Variants in TMEM38B observed in about 807,000 individuals in gnomAD.
The protein encoded by TMEM38B is transmembrane protein 38B.
In TMEM38B, 24 loss-of-function variants were observed where a neutral mutation model predicts 28.7. That is an observed-to-expected ratio of 0.84 (90% CI 0.61 to 1.18). The LOEUF is 1.18. Ranked by LOEUF, TMEM38B falls within the 50% of genes most tolerant of loss-of-function variation. The probability of loss-of-function intolerance (pLI) is 0.00; values close to 1 mark genes in which losing one functional copy is unlikely to be tolerated. For synonymous variants in TMEM38B, 131 were observed against 127.7 expected (o/e 1.03, Z -0.17); for missense variants, 380 against 350.9 (o/e 1.08, Z -0.66).
intron 2 of TMEM38B, among the ~76,000 whole-genome samples, chr9:105,708,164 A>G (rs1010056216): frequency 6.6e-6 from 1 of 152,174 alleles, no homozygotes; most frequent in African/African-American, 2.4e-5. Context: ...TTCTATACCC[A>G]TGGGTTTTGC....
chr9:105,767,855 C>T (rs934492528), intron 5 of TMEM38B, among the ~76,000 whole-genome samples: 1 of 151,960 alleles, frequency 6.6e-6, no homozygotes, highest in Non-Finnish European at 1.5e-5. Flanking sequence ...TTAGCATTGT[C>T]TATATACATG....
chr9:105,745,168 C>A (rs2133612793), intron 4 of TMEM38B, among the ~76,000 whole-genome samples: 1 of 152,322 alleles, frequency 6.6e-6, no homozygotes, highest in South Asian at 2.1e-4. Flanking sequence ...GCCACACTGT[C>A]TTCACAATGG....
intron 1 of TMEM38B, among the ~76,000 whole-genome samples, chr9:105,698,685 G>T (rs1835364715): frequency 1.3e-5 from 2 of 151,998 alleles, no homozygotes; most frequent in African/African-American, 4.8e-5. Flanking sequence ...AGCCTATTAG[G>T]TTATTTTATT....
chr9:105,744,831 G>T (rs1421343163), intron 4 of TMEM38B, among the ~76,000 whole-genome samples: 1 of 152,180 alleles, frequency 6.6e-6, no homozygotes, highest in East Asian at 1.9e-4. Flanking sequence ...GTGAGAACAT[G>T]TGGTGTTTGG....
At chr9:105,762,470 A>G (rs1838094525) in intron 5 of TMEM38B, among the ~76,000 whole-genome samples, 1 of 140,662 alleles carries the variant, frequency 7.1e-6, no homozygotes, top group Non-Finnish European at 1.5e-5. Context: ...ATGTGTTCTC[A>G]TTGTTCAGTT....
At chr9:105,731,709 T>C (rs7037785) in intron 4 of TMEM38B, among the ~76,000 whole-genome samples, 31,977 of 152,088 alleles carry the variant, frequency 0.21, 5,247 homozygotes, top group East Asian at 0.47. Context: ...TCTATCATTG[T>C]TGGATATTTG....
chr9:105,753,067 C>G (rs1397681492), intron 5 of TMEM38B, among the ~76,000 whole-genome samples: 1 of 152,108 alleles, frequency 6.6e-6, no homozygotes, highest in African/African-American at 2.4e-5. Context: ...AGGAAAGCAG[C>G]TCAGAGCTTG....
chr9:105,720,251 A>G (rs1282618049), intron 2 of TMEM38B, among the ~76,000 whole-genome samples: 1 of 152,066 alleles, frequency 6.6e-6, no homozygotes, highest in African/African-American at 2.4e-5. Flanking sequence ...GCTACTTTTC[A>G]TCATGCTGAG....
chr9:105,708,290 T>C (rs1835758224), intron 2 of TMEM38B, among the ~76,000 whole-genome samples: 1 of 152,218 alleles, frequency 6.6e-6, no homozygotes, highest in Admixed American at 6.5e-5. Context: ...ACTATTTGTA[T>C]AGTATTTACA....
At chr9:105,725,701 C>T (rs1278571508) in intron 4 of TMEM38B, among the ~76,000 whole-genome samples, 1 of 151,690 alleles carries the variant, frequency 6.6e-6, no homozygotes, top group African/African-American at 2.4e-5. Context: ...CTAAACATAC[C>T]TAAAGAGAAA....
intron 1 of TMEM38B, among the ~76,000 whole-genome samples, chr9:105,703,934 G>C (rs1047856169): frequency 1.3e-5 from 2 of 152,024 alleles, no homozygotes; most frequent in Non-Finnish European, 2.9e-5. Context: ...GTTCATTGTA[G>C]ATTCTGATGA....
intron 4 of TMEM38B, among the ~76,000 whole-genome samples, chr9:105,725,088 G>A (rs1407735399): frequency 3.3e-5 from 5 of 151,976 alleles, no homozygotes; most frequent in Admixed American, 3.3e-4. Flanking sequence ...TACCTAGAAC[G>A]ATTTTTCTTA....
At chr9:105,744,288 A>G (rs1469700736) in intron 4 of TMEM38B, among the ~76,000 whole-genome samples, 1 of 152,088 alleles carries the variant, frequency 6.6e-6, no homozygotes, top group Non-Finnish European at 1.5e-5. Flanking sequence ...GGAGTAAAAA[A>G]TGAGACATGT....
At chr9:105,713,081 A>G (rs1222598774) in intron 2 of TMEM38B, among the ~76,000 whole-genome samples, 1 of 152,178 alleles carries the variant, frequency 6.6e-6, no homozygotes, top group Non-Finnish European at 1.5e-5. Flanking sequence ...TGCCCCTTCC[A>G]AGTTGGTGGG....
In TMEM38B at chr9:105,775,376, A is replaced by T. The variant is rs1008692524; in HGVS notation, c.*1296A>T. 4.6e-5 allele frequency: 7 copies of T among 152,130 alleles called. No individual in the cohort carries two copies. Among genetic ancestry groups the T allele is most frequent in the Non-Finnish European group, 7.4e-5 (5 of 67,994 alleles). The allele number at this position is 152,130 out of a possible 1,614,324, so 9.4% of individuals were successfully genotyped here. A position where few individuals can be genotyped will look rare whatever the true frequency, so the allele number is the denominator to read the frequency against. ...TTTATGATTTAGAAGTCCAGTTATA[A>T]TATTAAAACTCTGTGACATAGTTTC... On this transcript the variant is annotated 3_prime_UTR_variant, in exon 6 of 6. Transcript: ENST00000374692.
intron 4 of TMEM38B, among the ~76,000 whole-genome samples, chr9:105,740,454 A>G (rs1336732012): frequency 2.0e-5 from 3 of 151,458 alleles, no homozygotes; most frequent in Non-Finnish European, 2.9e-5. Context: ...TTTTGTAGAG[A>G]CCAGGTTTCA....
At chr9:105,734,722 C>T (rs1242636211) in intron 4 of TMEM38B, among the ~76,000 whole-genome samples, 1 of 152,078 alleles carries the variant, frequency 6.6e-6, no homozygotes, top group Non-Finnish European at 1.5e-5. Flanking sequence ...GACTTGACAT[C>T]TGTTTTATCT....
At chr9:105,718,077 T>TAA (rs1211377378) in intron 2 of TMEM38B, among the ~76,000 whole-genome samples, 1 of 152,240 alleles carries the variant, frequency 6.6e-6, no homozygotes, top group Admixed American at 6.5e-5. Flanking sequence ...AATCTGTACT[T>TAA]ACACAGTATA....
chr9:105,709,604 A>G (rs10978213), intron 2 of TMEM38B, among the ~76,000 whole-genome samples: 61,773 of 152,028 alleles, frequency 0.41, 14,015 homozygotes, highest in African/African-American at 0.6. Context: ...CAGTGTCAGC[A>G]CTCAATAAAT....
Sources: gnomAD v4.1 joint callset for allele counts (sites outside exome capture counted in the v4.1 genomes callset) on GRCh38, gnomAD v4.1.1 for gene constraint, MANE v1.5 for transcripts, NCBI Gene and HGNC (gene_info 2026-07-23, HGNC 2026-07-21) for gene names.